CACNG2: variants seen among roughly 807,000 people sequenced by gnomAD.
CACNG2 encodes the protein calcium voltage-gated channel auxiliary subunit gamma 2.
Under a neutral mutation model 25.9 loss-of-function variants are expected in CACNG2, and 3 were observed. The ratio of observed to expected loss-of-function variants is 0.12; its 90% CI spans 0.05 to 0.30. CACNG2 has a LOEUF of 0.30. CACNG2 is among the 10% of genes least tolerant of loss of function. The pLI is 1.00. For missense variants in CACNG2, 341 were observed against 432.5 expected (o/e 0.79, Z 1.88); for synonymous variants, 167 against 173.3 (o/e 0.96, Z 0.29).
rs371630300 is a variant in CACNG2 at position 36,659,304 on chromosome 22, C to T, written c.211+43062G>A. ...CAGAAAAGAGGCTGGGACAGGGCCACGTGGAGTCAGGGAGTGGGGAGAGGG... is the reference window on the plus strand; with the variant it reads ...CAGAAAAGAGGCTGGGACAGGGCCATGTGGAGTCAGGGAGTGGGGAGAGGG... On this transcript the variant is annotated intron_variant, in intron 1 of 3. Coordinates refer to ENST00000300105, the MANE Select transcript of CACNG2 (RefSeq NM_006078.5). Among the ~76,000 whole-genome samples the T allele has an allele frequency of 1.2e-4, 18 of 152,168 alleles. 1 individual carries two copies. Among genetic ancestry groups the T allele is most frequent in the South Asian group, 6.2e-4 (3 of 4,814 alleles).
rs1935732512 is a variant in CACNG2 at position 36,600,164 on chromosome 22, C to T, written c.212-12616G>A. Among the ~76,000 whole-genome samples the T allele has an allele frequency of 2.0e-5, 3 of 152,322 alleles. No individual in the cohort carries two copies. In the South Asian group the frequency reaches 6.2e-4, roughly 32 times the overall value. Reference sequence around the variant, plus strand: ...GATAAAGGGTATCTGAGCCACACTCCCATGGAGTGTTATACCAGTCTTGGA... The same window carrying T: ...GATAAAGGGTATCTGAGCCACACTCTCATGGAGTGTTATACCAGTCTTGGA... On this transcript the variant is annotated intron_variant, in intron 1 of 3. Transcript: ENST00000300105.
At chr22:36,638,263 C>T (rs970751829) in intron 1 of CACNG2, among the ~76,000 whole-genome samples, 1 of 152,146 alleles carries the variant, frequency 6.6e-6, no homozygotes, top group Non-Finnish European at 1.5e-5. Flanking sequence ...TCGCATTGCC[C>T]ACAGAACAGG....
intron 1 of CACNG2, among the ~76,000 whole-genome samples, chr22:36,624,750 C>CCGGG (rs1936157630): frequency 6.6e-6 from 1 of 152,052 alleles, no homozygotes; most frequent in African/African-American, 2.4e-5. Flanking sequence ...ACAGATTAGG[C>CCGGG]CGGGCCCGGT....
At chr22:36,600,552 T>C (rs1256857731) in intron 1 of CACNG2, among the ~76,000 whole-genome samples, 5 of 92,350 alleles carry the variant, frequency 5.4e-5, no homozygotes, top group South Asian at 4.3e-4. Context: ...TTTAAATTTG[T>C]TTTTTTTTTT....
intron 1 of CACNG2, among the ~76,000 whole-genome samples, chr22:36,687,979 T>C (rs1937222942): frequency 1.3e-5 from 2 of 152,154 alleles, no homozygotes. Flanking sequence ...TCCAGAACCA[T>C]CAGATAATAG....
intron 2 of CACNG2, among the ~76,000 whole-genome samples, chr22:36,578,228 G>T (rs1393464396): frequency 6.6e-6 from 1 of 152,022 alleles, no homozygotes; most frequent in Non-Finnish European, 1.5e-5. Flanking sequence ...TTAGCTGGGT[G>T]TGATGGCGTG....
At position 36,571,150 on chromosome 22, in the gene CACNG2, T is replaced by C. The variant is rs914002180; in HGVS notation, c.296-4657A>G. On this transcript the variant is annotated intron_variant, in intron 2 of 3. Transcript: ENST00000300105. ...AGTGTGGCCTGAGGCCCAGCGGCAT[T>C]GGCATCTGATTAGAAAGGCAGCCCT... Among the ~76,000 whole-genome samples the C allele has an allele frequency of 3.3e-5, 5 of 152,222 alleles. No individual in the cohort carries two copies. The South Asian group carries it at 8.3e-4, about 25-fold the overall frequency.
intron 1 of CACNG2, among the ~76,000 whole-genome samples, chr22:36,618,459 C>CT (rs1385513823): frequency 6.6e-6 from 1 of 152,228 alleles, no homozygotes; most frequent in Non-Finnish European, 1.5e-5. Flanking sequence ...CTCTGCCTTC[C>CT]TGTTAGCCAC....
At chr22:36,580,784 C>G (rs1353744208) in intron 2 of CACNG2, among the ~76,000 whole-genome samples, 1 of 152,114 alleles carries the variant, frequency 6.6e-6, no homozygotes, top group Non-Finnish European at 1.5e-5. Flanking sequence ...TTCTTCTTCC[C>G]TTACTCCAAA....
At chr22:36,605,272 A>G (rs1272114115) in intron 1 of CACNG2, among the ~76,000 whole-genome samples, 1 of 152,036 alleles carries the variant, frequency 6.6e-6, no homozygotes, top group African/African-American at 2.4e-5. Context: ...ATGGGGTTTC[A>G]CCATGTTGGC....
chr22:36,632,083 AACCTCTGTATTT>A (rs1230709034), intron 1 of CACNG2, among the ~76,000 whole-genome samples: 1 of 152,192 alleles, frequency 6.6e-6, no homozygotes, highest in African/African-American at 2.4e-5. Flanking sequence ...ACTATGATGG[AACCTCTGTATTT>A]ACAACTCGAA....
At chr22:36,630,406 T>C (rs1936250163) in intron 1 of CACNG2, among the ~76,000 whole-genome samples, 1 of 152,032 alleles carries the variant, frequency 6.6e-6, no homozygotes, top group African/African-American at 2.4e-5. Context: ...ACTCTCAGGA[T>C]TTTTACCTGA....
rs1272503310 is a variant in CACNG2, at chr22:36,591,664, T to A, written c.212-4116A>T. Among the ~76,000 whole-genome samples, 3 of 152,066 alleles carry A rather than the reference T, an allele frequency of 2.0e-5. No homozygotes were observed. In the East Asian group the frequency reaches 5.8e-4, roughly 29 times the overall value. On this transcript the variant is annotated intron_variant, in intron 1 of 3. Coordinates refer to ENST00000300105, the MANE Select transcript of CACNG2 (RefSeq NM_006078.5). ...CTCCAGTCTGGTGACAGAGCAAGAC[T>A]CTGTCTTGAAAATAAAATCAAAATA...
chr22:36,615,123 A>T (rs1936003986), intron 1 of CACNG2, among the ~76,000 whole-genome samples: 1 of 152,228 alleles, frequency 6.6e-6, no homozygotes, highest in Non-Finnish European at 1.5e-5. Context: ...CCAGGTGCCC[A>T]GTAAATGTCT....
chr22:36,661,542 G>A (rs748609113), intron 1 of CACNG2, among the ~76,000 whole-genome samples: 1 of 152,146 alleles, frequency 6.6e-6, no homozygotes, highest in African/African-American at 2.4e-5. Context: ...TAAGAGCATC[G>A]AGCATATTAA....
At chr22:36,658,571 G>A (rs2145981446) in intron 1 of CACNG2, among the ~76,000 whole-genome samples, 1 of 152,316 alleles carries the variant, frequency 6.6e-6, no homozygotes, top group East Asian at 1.9e-4. Context: ...GTGTTGGGGT[G>A]GGATTTAAGC....
intron 1 of CACNG2, among the ~76,000 whole-genome samples, chr22:36,591,797 G>A (rs1311312223): frequency 6.6e-6 from 1 of 152,168 alleles, no homozygotes; most frequent in African/African-American, 2.4e-5. Context: ...AAGGGGGGTG[G>A]TGCTGTGCCA....
Position 36,662,047 on chromosome 22 carries a change from T to G in CACNG2, c.211+40319A>C, listed in dbSNP as rs1936806754. 2.2e-5 allele frequency among the ~76,000 whole-genome samples: 3 copies of G among 133,786 alleles called. No homozygotes were observed. In the Admixed American group the frequency reaches 2.6e-4, roughly 12 times the overall value. 87.8% of individuals were successfully genotyped at this position (133,786 alleles called of 152,430 possible). A position where few individuals can be genotyped will look rare whatever the true frequency, so the allele number is the denominator to read the frequency against. The stretch of plus-strand genomic sequence containing the variant: ...CGGGCTGGAGTGCAGTGGCATGATC[T>G]CAGCTCACTGCAAGCTCCACCTCCC... On this transcript the variant is annotated intron_variant, in intron 1 of 3. Transcript: ENST00000300105.
intron 2 of CACNG2, among the ~76,000 whole-genome samples, chr22:36,581,165 A>T (rs1935411566): frequency 6.6e-6 from 1 of 152,162 alleles, no homozygotes; most frequent in Non-Finnish European, 1.5e-5. Flanking sequence ...TGGTTGGGAG[A>T]AACAGTCCAG....
Sources: gnomAD v4.1 joint callset for allele counts (sites outside exome capture counted in the v4.1 genomes callset) on GRCh38, gnomAD v4.1.1 for gene constraint, MANE v1.5 for transcripts, NCBI Gene and HGNC (gene_info 2026-07-23, HGNC 2026-07-21) for gene names.